FAM222B: variants seen among roughly 807,000 people sequenced by gnomAD.
FAM222B encodes protein FAM222B.
In FAM222B, 12 loss-of-function variants were observed where a neutral mutation model predicts 38.0. The ratio of observed to expected loss-of-function variants is 0.32; its 90% CI spans 0.20 to 0.51. The LOEUF (loss-of-function observed/expected upper bound fraction) is 0.51. Ranked by LOEUF, FAM222B falls within the 20% of genes least tolerant of loss-of-function variation. The pLI is 0.97. For synonymous variants in FAM222B, 329 were observed against 317.2 expected, an observed-to-expected ratio of 1.04 and a Z score of -0.40; for missense variants, 716 against 754.2, an observed-to-expected ratio of 0.95 and a Z score of 0.59.
intron 1 of FAM222B, chr17:28,854,829 C>A: frequency 2.0e-6 from 1 of 510,586 alleles, no homozygotes; most frequent in Non-Finnish European, 3.3e-6. Context: ...AAACTACCGT[C>A]ATGCTTGCAC....
chr17:28,785,956 C>T (rs547547130), intron 1 of FAM222B, among the ~76,000 whole-genome samples: 16 of 152,240 alleles, frequency 1.1e-4, no homozygotes, highest in Non-Finnish European at 2.2e-4. Flanking sequence ...GCCTTGGCCT[C>T]CCAAAGTGCT....
At chr17:28,794,406 G>A (rs2151881872) in intron 1 of FAM222B, among the ~76,000 whole-genome samples, 1 of 151,804 alleles carries the variant, frequency 6.6e-6, no homozygotes, top group African/African-American at 2.4e-5. Flanking sequence ...TTTTAGTAGA[G>A]ACGGGGTTTC....
At chr17:28,827,125 G>A (rs1474656694) in intron 1 of FAM222B, among the ~76,000 whole-genome samples, 2 of 151,884 alleles carry the variant, frequency 1.3e-5, no homozygotes, top group African/African-American at 4.8e-5. Context: ...CTAGCCTGGT[G>A]GAGAATTAAA....
At chr17:28,801,804 T>G (rs1402992959) in intron 1 of FAM222B, among the ~76,000 whole-genome samples, 2 of 151,982 alleles carry the variant, frequency 1.3e-5, no homozygotes, top group African/African-American at 2.4e-5. Flanking sequence ...CTTTACATAA[T>G]AAGAATGAAG....
intron 1 of FAM222B, among the ~76,000 whole-genome samples, chr17:28,820,636 C>CTTT (rs557770356): frequency 6.9e-6 from 1 of 144,280 alleles, no homozygotes; most frequent in Non-Finnish European, 1.5e-5. Flanking sequence ...AATGGTAAAA[C>CTTT]TTTTTTTTTT....
chr17:28,776,163 G>A (rs1038982020), intron 1 of FAM222B, among the ~76,000 whole-genome samples: 2 of 150,658 alleles, frequency 1.3e-5, no homozygotes, highest in African/African-American at 4.9e-5. Flanking sequence ...ATGAGATCAG[G>A]AGATCAAGAC....
rs187465305 is a variant in FAM222B, at chr17:28,840,161, G to A, written c.-41+2521C>T. 3.1e-3 allele frequency among the ~76,000 whole-genome samples: 470 copies of A among 151,608 alleles called. 1 individual carries two copies. Among genetic ancestry groups the A allele is most frequent in the South Asian group, 7.3e-3 (35 of 4,784 alleles). The stretch of plus-strand genomic sequence containing the variant: ...GAGGCCGAGGCAGGCGGATCACCTG[G>A]TTCGAAACCAGCCTGACCAAAATGG... On this transcript the variant is annotated intron_variant, in intron 1 of 2. Transcript: ENST00000581407.
chr17:28,805,925 T>C (rs763759853), intron 1 of FAM222B, among the ~76,000 whole-genome samples: 6 of 152,126 alleles, frequency 3.9e-5, no homozygotes, highest in Non-Finnish European at 7.3e-5. Flanking sequence ...GCGTATCACC[T>C]GAGGTCGGGA....
At chr17:28,818,846 T>C (rs1401303105) in intron 1 of FAM222B, among the ~76,000 whole-genome samples, 3 of 152,154 alleles carry the variant, frequency 2.0e-5, no homozygotes, top group African/African-American at 4.8e-5. Flanking sequence ...TTCACACACA[T>C]AGACAAAATG....
intron 1 of FAM222B, among the ~76,000 whole-genome samples, chr17:28,822,822 AAAAAAAAAAAATATATATAT>A (rs2038290687): frequency 1.0e-5 from 1 of 97,256 alleles, no homozygotes; most frequent in African/African-American, 5.0e-5. Context: ...AAAAAAAAAA[AAAAAAAAAAAATATATATAT>A]ATATATATAT....
chr17:28,847,529 G>A (rs1598069343), upstream of FAM222B, among the ~76,000 whole-genome samples: 1 of 152,210 alleles, frequency 6.6e-6, no homozygotes, highest in Non-Finnish European at 1.5e-5. Flanking sequence ...GGGAAGTGGA[G>A]GTTGCAGTGA....
intron 1 of FAM222B, among the ~76,000 whole-genome samples, chr17:28,808,541 C>A (rs1438765568): frequency 6.6e-6 from 1 of 152,216 alleles, no homozygotes; most frequent in Non-Finnish European, 1.5e-5. Context: ...AACTCACCAA[C>A]AATAAATTCT....
At chr17:28,776,445 A>G (rs2035902343) in intron 1 of FAM222B, among the ~76,000 whole-genome samples, 1 of 145,908 alleles carries the variant, frequency 6.9e-6, no homozygotes, top group African/African-American at 2.5e-5. Flanking sequence ...AGGCTTACCT[A>G]AAAAGACTTT....
chr17:28,776,412 G>T, intron 1 of FAM222B, among the ~76,000 whole-genome samples: 1 of 141,728 alleles, frequency 7.1e-6, no homozygotes, highest in Admixed American at 7.0e-5. Flanking sequence ...GCCAATATCT[G>T]ATTCTTCTCA....
intron 1 of FAM222B, among the ~76,000 whole-genome samples, chr17:28,784,811 G>A (rs1050360588): frequency 1.3e-5 from 2 of 151,972 alleles, no homozygotes; most frequent in Admixed American, 6.6e-5. Context: ...ATCCAATGGC[G>A]TGAAACACGG....
chr17:28,815,758 A>T (rs1314482876), intron 1 of FAM222B, among the ~76,000 whole-genome samples: 1 of 152,052 alleles, frequency 6.6e-6, no homozygotes, highest in Non-Finnish European at 1.5e-5. Flanking sequence ...AGGTCAGGAG[A>T]TTGAGATCAG....
At chr17:28,787,902 G>A (rs375930918) in intron 1 of FAM222B, among the ~76,000 whole-genome samples, 9 of 140,936 alleles carry the variant, frequency 6.4e-5, no homozygotes, top group African/African-American at 2.2e-4. Context: ...TTGGCTCACC[G>A]CAACCTCCAC....
At chr17:28,773,536 C>A (rs1597876445) in intron 1 of FAM222B, among the ~76,000 whole-genome samples, 1 of 143,378 alleles carries the variant, frequency 7.0e-6, no homozygotes, top group East Asian at 2.1e-4. Flanking sequence ...CATTGGCTCA[C>A]GCCTGTAATC....
At chr17:28,764,769 T>A (rs1253442632) in intron 2 of FAM222B, among the ~76,000 whole-genome samples, 3 of 151,220 alleles carry the variant, frequency 2.0e-5, no homozygotes, top group Admixed American at 6.6e-5. Context: ...AAAAAAAAAA[T>A]AAAAATAATA....
Sources: gnomAD v4.1 joint callset for allele counts (sites outside exome capture counted in the v4.1 genomes callset) on GRCh38, gnomAD v4.1.1 for gene constraint, MANE v1.5 for transcripts, NCBI Gene and HGNC (gene_info 2026-07-23, HGNC 2026-07-21) for gene names.